The following FANCC variants were observed in gnomAD, a reference collection of about 807,000 sequenced individuals.
The protein encoded by FANCC is Fanconi anemia group C protein.
In FANCC, 55 loss-of-function variants were observed where a neutral mutation model predicts 71.3. The observed-to-expected ratio is 0.77, with a 90% CI of 0.62 to 0.97. The LOEUF (loss-of-function observed/expected upper bound fraction) is 0.97, where lower values mean the gene tolerates loss of function less well. FANCC is among the 50% of genes least tolerant of loss of function. FANCC has a pLI of 0.00. For missense variants in FANCC, 678 were observed against 670.9 expected, an observed-to-expected ratio of 1.01 and a Z score of -0.12; for synonymous variants, 275 against 244.9, an observed-to-expected ratio of 1.12 and a Z score of -1.15.
Position 95,135,496 on chromosome 9 carries a change from C to T in FANCC, c.693G>A (p.Lys231=), listed in dbSNP as rs955961811. 3 of 1,613,652 alleles carry T rather than the reference C, an allele frequency of 1.9e-6. No homozygotes were observed. The African/African-American group carries it at 4.0e-5, about 22-fold the overall frequency. The part of the protein sequence containing the change: ...EAVNEAILLK[K]ISLPMSAVVC... ...CTACAGCTGACATGGGGAGAGAAAT[C>T]TTCTTCCTTTCAGAAAGAAATAAAC... Residue 231 remains lysine (K), a synonymous_variant, in exon 8 of 15, where the codon AAG becomes AAA. Transcript: ENST00000289081.
chr9:95,284,858 T>TCA (rs1263637965), intron 1 of FANCC, among the ~76,000 whole-genome samples: 7 of 130,226 alleles, frequency 5.4e-5, no homozygotes, highest in African/African-American at 6.3e-5. Context: ...GACTCCTCTC[T>TCA]CTCACACACA....
intron 1 of FANCC, chr9:95,292,418 A>G (rs957683584): frequency 9.1e-7 from 1 of 1,094,282 alleles, no homozygotes; most frequent in African/African-American, 1.7e-5. Context: ...CGGCCACGAG[A>G]GGAGCCTCCG....
chr9:95,183,482 G>A (rs1309325794), intron 4 of FANCC, among the ~76,000 whole-genome samples: 1 of 152,176 alleles, frequency 6.6e-6, no homozygotes, highest in African/African-American at 2.4e-5. Context: ...GAACATAATC[G>A]CTGCAGGATT....
rs796723734 is a variant in FANCC, at chr9:95,162,671, T to C, written c.521+8408A>G. Among the ~76,000 whole-genome samples, 4 of 152,210 alleles carry C rather than the reference T, an allele frequency of 2.6e-5. No individual in the cohort carries two copies. In the South Asian group the frequency reaches 6.2e-4, roughly 24 times the overall value. ...GGCCATTCTAATAGGTGTGAACTGG[T>C]ATCTTATTATGGTTCTGATTATCAT... On this transcript the variant is annotated intron_variant, in intron 6 of 14. Coordinates refer to ENST00000289081, the MANE Select transcript of FANCC (RefSeq NM_000136.3).
At chr9:95,158,661 C>G (rs1234825551) in intron 6 of FANCC, among the ~76,000 whole-genome samples, 5 of 152,086 alleles carry the variant, frequency 3.3e-5, no homozygotes, top group African/African-American at 1.2e-4. Flanking sequence ...AGATTGTTAC[C>G]AGGGATTGAT....
chr9:95,217,084 T>C (rs140296457), intron 4 of FANCC, among the ~76,000 whole-genome samples: 250 of 152,342 alleles, frequency 1.6e-3, no homozygotes, highest in African/African-American at 5.7e-3. Flanking sequence ...CTCAGTGAAT[T>C]TGAGAAGACT....
At chr9:95,155,969 T>G (rs1035572931) in intron 6 of FANCC, among the ~76,000 whole-genome samples, 36 of 150,442 alleles carry the variant, frequency 2.4e-4, no homozygotes, top group African/African-American at 8.3e-4. Context: ...CAAGCAATCC[T>G]CCCACCCTGG....
At position 95,293,763 on chromosome 9, in the gene FANCC, C is replaced by G; in HGVS notation, c.-79+23763G>C. On this transcript the variant is annotated intron_variant, in intron 1 of 14. Coordinates refer to ENST00000289081, the MANE Select transcript of FANCC (RefSeq NM_000136.3). ...TAAGGTAACTTCATCTATAGCTGCT[C>G]AGACTGATGCATTTATGGACACCTG... is the stretch of plus-strand genomic sequence containing the variant. 1.9e-6 allele frequency: 3 copies of G among 1,613,880 alleles called. No homozygotes were observed. The South Asian group carries it at 3.3e-5, about 18-fold the overall frequency.
At chr9:95,257,806 G>C (rs966566499) in intron 1 of FANCC, among the ~76,000 whole-genome samples, 1 of 152,124 alleles carries the variant, frequency 6.6e-6, no homozygotes, top group Admixed American at 6.6e-5. Context: ...AAGAAGAAAA[G>C]AGAGAAGAAT....
intron 1 of FANCC, chr9:95,294,026 C>T: frequency 6.3e-7 from 1 of 1,597,834 alleles, no homozygotes; most frequent in South Asian, 1.1e-5. Context: ...GAGAAATGTG[C>T]ACCAATTATA....
chr9:95,294,544 T>C (rs1834259281), intron 1 of FANCC: 1 of 1,547,090 alleles, frequency 6.5e-7, no homozygotes, highest in Non-Finnish European at 8.9e-7. Flanking sequence ...TACTGATTCA[T>C]CTGACACAGA....
intron 4 of FANCC, among the ~76,000 whole-genome samples, chr9:95,187,596 G>A (rs932701175): frequency 6.6e-6 from 1 of 152,106 alleles, no homozygotes; most frequent in Admixed American, 6.5e-5. Flanking sequence ...CTGGGGGTGG[G>A]CCCTAGAATC....
At chr9:95,102,470 T>C (rs2071135987) in intron 14 of FANCC, among the ~76,000 whole-genome samples, 1 of 152,212 alleles carries the variant, frequency 6.6e-6, no homozygotes. Flanking sequence ...AGGGTGAGAA[T>C]CTTACAATTT....
chr9:95,147,672 T>G (rs1829747667), intron 7 of FANCC, among the ~76,000 whole-genome samples: 1 of 152,258 alleles, frequency 6.6e-6, no homozygotes, highest in Admixed American at 6.5e-5. Context: ...CAGATGTTAA[T>G]GATTTACCTT....
chr9:95,156,402 C>T (rs1830464215), intron 6 of FANCC, among the ~76,000 whole-genome samples: 1 of 152,166 alleles, frequency 6.6e-6, no homozygotes, highest in Admixed American at 6.5e-5. Flanking sequence ...TCCTAATTTG[C>T]TCTACTGAAT....
chr9:95,111,395 C>G (rs2071918155), intron 13 of FANCC, 68 bp downstream of exon 13: 1 of 1,597,462 alleles, frequency 6.3e-7, no homozygotes, highest in Non-Finnish European at 8.5e-7. Context: ...AACAGAGCCC[C>G]TCTCTGCAAG....
intron 4 of FANCC, among the ~76,000 whole-genome samples, chr9:95,172,577 C>T (rs909067810): frequency 6.6e-6 from 1 of 151,762 alleles, no homozygotes; most frequent in African/African-American, 2.4e-5. Flanking sequence ...CCAATCATCA[C>T]GCTCATGAAC....
intron 1 of FANCC, among the ~76,000 whole-genome samples, chr9:95,276,498 G>A (rs545832842): frequency 6.6e-6 from 1 of 152,240 alleles, no homozygotes; most frequent in African/African-American, 2.4e-5. Context: ...TCAAGTAACA[G>A]CATGATTATT....
chr9:95,118,152 G>A (rs924981122), intron 10 of FANCC, among the ~76,000 whole-genome samples: 3 of 152,092 alleles, frequency 2.0e-5, no homozygotes, highest in Non-Finnish European at 2.9e-5. Flanking sequence ...CTGAGTAGCC[G>A]GGATTACAGG....
Sources: gnomAD v4.1 joint callset for allele counts (sites outside exome capture counted in the v4.1 genomes callset) on GRCh38, gnomAD v4.1.1 for gene constraint, MANE v1.5 for transcripts, NCBI Gene and HGNC (gene_info 2026-07-23, HGNC 2026-07-21) for gene names.